The following FBN1 variants were observed in gnomAD, a reference collection of about 807,000 sequenced individuals.
FBN1 encodes the protein fibrillin 1.
In FBN1, 29 loss-of-function variants were observed where a neutral mutation model predicts 365.1. The ratio of observed to expected loss-of-function variants is 0.08; its 90% CI spans 0.06 to 0.11. The LOEUF is 0.11. Among genes scored for constraint, FBN1 ranks in the 10% least tolerant of loss-of-function variants. FBN1 has a pLI of 1.00. For synonymous variants in FBN1, 1,210 were observed against 1,270.5 expected (o/e 0.95, Z 1.01); for missense variants, 2,476 against 3,703.2 (o/e 0.67, Z 8.60).
intron 25 of FBN1, 48 bp downstream of exon 25, chr15:48,489,803 T>G: frequency 1.4e-6 from 2 of 1,459,862 alleles, no homozygotes; most frequent in Non-Finnish European, 1.9e-6. Flanking sequence ...ATGCATCCTA[T>G]TTGTCTAAAA....
At chr15:48,476,967 C>G (rs1316643526) in intron 32 of FBN1, among the ~76,000 whole-genome samples, 1 of 151,758 alleles carries the variant, frequency 6.6e-6, no homozygotes, top group Non-Finnish European at 1.5e-5. Context: ...TTATTCTAAG[C>G]CTTGCTTTAT....
chr15:48,485,730 C>A (rs544495185), intron 29 of FBN1, among the ~76,000 whole-genome samples: 258 of 152,224 alleles, frequency 1.7e-3, no homozygotes, highest in Admixed American at 6.0e-3. Flanking sequence ...AATGGGATAA[C>A]GTAGGAAGAA....
At chr15:48,505,269 A>C in intron 15 of FBN1, 122 bp from the exon 16 acceptor site, 1 of 1,183,830 alleles carries the variant, frequency 8.4e-7, no homozygotes, top group Middle Eastern at 2.6e-4. Flanking sequence ...CAGCATCAGC[A>C]ACAAAAGCTC....
chr15:48,575,355 GTATGTATGTA>G (rs2044337397), intron 6 of FBN1, among the ~76,000 whole-genome samples: 1 of 138,078 alleles, frequency 7.2e-6, no homozygotes, highest in African/African-American at 3.1e-5. Flanking sequence ...ATGTATGTAT[GTATGTATGTA>G]TTTAGGGGGT....
At chr15:48,527,476 A>G (rs1054775096) in intron 8 of FBN1, among the ~76,000 whole-genome samples, 10 of 152,212 alleles carry the variant, frequency 6.6e-5, no homozygotes, top group African/African-American at 1.9e-4. Context: ...ACCTTGGGAA[A>G]GGAGACATTT....
intron 13 of FBN1, among the ~76,000 whole-genome samples, chr15:48,511,451 T>G (rs2141324903): frequency 6.6e-6 from 1 of 152,318 alleles, no homozygotes; most frequent in East Asian, 1.9e-4. Context: ...TCCCATAATT[T>G]TTTGAGGCCC....
chr15:48,534,628 T>C (rs2043999888), intron 7 of FBN1, among the ~76,000 whole-genome samples: 1 of 152,228 alleles, frequency 6.6e-6, no homozygotes, highest in African/African-American at 2.4e-5. Context: ...ATTTCTACAA[T>C]GAAACTACCT....
At chr15:48,534,334 T>C in intron 7 of FBN1, 129 bp from the exon 8 acceptor site, 1 of 918,616 alleles carries the variant, frequency 1.1e-6, no homozygotes, top group East Asian at 2.5e-5. Flanking sequence ...TCCATCACAA[T>C]ATTTGGAATA....
intron 36 of FBN1, among the ~76,000 whole-genome samples, chr15:48,469,531 T>C (rs192954037): frequency 2.5e-4 from 38 of 152,186 alleles, no homozygotes; most frequent in African/African-American, 7.2e-4. Context: ...TTTTGAACAC[T>C]CATGAAATAC....
chr15:48,482,359 C>T (rs1260389457), intron 31 of FBN1, among the ~76,000 whole-genome samples: 1 of 151,876 alleles, frequency 6.6e-6, no homozygotes, highest in East Asian at 1.9e-4. Context: ...GATAGAATAA[C>T]AGGAATTAAA....
At chr15:48,599,248 T>C (rs2044541180) in intron 5 of FBN1, among the ~76,000 whole-genome samples, 1 of 152,160 alleles carries the variant, frequency 6.6e-6, no homozygotes, top group Admixed American at 6.5e-5. Flanking sequence ...ACGCCCTGAA[T>C]AACGCCCACC....
At position 48,455,481 on chromosome 15, in the gene FBN1, A is replaced by C. The variant is rs192822418; in HGVS notation, c.5422+1156T>G. On this transcript the variant is annotated intron_variant, in intron 44 of 65. Transcript: ENST00000316623. ...CCACAGGCAGGTGGCAGGCATGCTG[A>C]GCATGTTTGAGAGGGGGAAAAGTGC... Among the ~76,000 whole-genome samples, 90 of 152,294 alleles carry C rather than the reference A, an allele frequency of 5.9e-4. 2 individuals are homozygous for C. Among genetic ancestry groups the C allele is most frequent in the Admixed American group, 5.4e-3 (83 of 15,296 alleles).
At chr15:48,574,030 A>G (rs2044326479) in intron 6 of FBN1, among the ~76,000 whole-genome samples, 1 of 152,174 alleles carries the variant, frequency 6.6e-6, no homozygotes, top group Non-Finnish European at 1.5e-5. Context: ...CATGGTGTGG[A>G]GCAGAGACCA....
chr15:48,599,549 AAC>A (rs1225215468), intron 5 of FBN1, among the ~76,000 whole-genome samples: 1 of 152,090 alleles, frequency 6.6e-6, no homozygotes, highest in African/African-American at 2.4e-5. Context: ...AAAAAAAAAA[AAC>A]AAGGTTTTTA....
chr15:48,569,752 T>C (rs2044291821), intron 6 of FBN1, among the ~76,000 whole-genome samples: 1 of 152,158 alleles, frequency 6.6e-6, no homozygotes, highest in African/African-American at 2.4e-5. Context: ...GGCATATCTA[T>C]AGAGACAGAA....
In FBN1 at chr15:48,411,345, G is replaced by A. The variant is rs1372306620; in HGVS notation, c.8261C>T (p.Ala2754Val). The change falls in exon 66 of 66, where the codon GCA becomes GTA. Residue 2754 changes from alanine (A) to valine (V), a missense_variant. Around this residue, in one of 5 missense-constraint regions of FBN1, gnomAD observed 177 missense variants for 192.7 expected, o/e 0.92. Transcript: ENST00000316623. ...QSETEANVSL[A>V]SWDVEKTAIF... ...GGCTGTCTTCTCAACATCCCAACTT[G>A]CAAGACTCACATTGGCTTCTGTCTC... 3 of 1,613,934 alleles carry A rather than the reference G, an allele frequency of 1.9e-6. No individual in the cohort carries two copies. The East Asian group carries it at 6.7e-5, about 36-fold the overall frequency.
chr15:48,449,292 G>C lies in FBN1; in HGVS notation c.5546-399C>G, dbSNP rs550992716. Among the ~76,000 whole-genome samples the C allele has an allele frequency of 1.4e-4, 22 of 152,290 alleles. 1 individual carries two copies. Among genetic ancestry groups the C allele is most frequent in the African/African-American group, 5.1e-4 (21 of 41,562 alleles). ...TCATGGATAGTTCATGGCTTCCTTT[G>C]TAAATTTATATCAAAGTCAAATCCT... On this transcript the variant is annotated intron_variant, in intron 45 of 65. Transcript: ENST00000316623.
intron 6 of FBN1, among the ~76,000 whole-genome samples, chr15:48,551,478 T>A (rs1357579681): frequency 6.6e-6 from 1 of 151,754 alleles, no homozygotes; most frequent in Non-Finnish European, 1.5e-5. Context: ...GCAGATCAAG[T>A]CCAAGCCTGG....
chr15:48,556,492 G>A (rs1486149348), intron 6 of FBN1, among the ~76,000 whole-genome samples: 1 of 152,162 alleles, frequency 6.6e-6, no homozygotes, highest in Non-Finnish European at 1.5e-5. Flanking sequence ...AAATACCCAC[G>A]GATTTAGAAT....
Sources: gnomAD v4.1 joint callset for allele counts (sites outside exome capture counted in the v4.1 genomes callset) on GRCh38, gnomAD v4.1.1 for gene constraint, gnomAD v4.1.1 regional missense constraint, MANE v1.5 for transcripts, NCBI Gene and HGNC (gene_info 2026-07-23, HGNC 2026-07-21) for gene names.